The following DAB1 variants were observed in gnomAD, a reference collection of about 807,000 sequenced individuals.
The protein encoded by DAB1 is DAB adaptor protein 1.
In DAB1, 15 loss-of-function variants were observed where a neutral mutation model predicts 64.6. The observed-to-expected ratio is 0.23, with a 90% confidence interval of 0.16 to 0.36. The LOEUF (loss-of-function observed/expected upper bound fraction) is 0.36, where lower values mean the gene tolerates loss of function less well. Among genes scored for constraint, DAB1 ranks in the 10% least tolerant of loss-of-function variants. DAB1 has a pLI of 1.00. For synonymous variants in DAB1, 235 were observed against 251.9 expected, an observed-to-expected ratio of 0.93 and a Z score of 0.64; for missense variants, 596 against 706.7, an observed-to-expected ratio of 0.84 and a Z score of 1.78.
intron 4 of DAB1, among the ~76,000 whole-genome samples, chr1:57,075,597 A>G (rs1408998178): frequency 1.3e-5 from 2 of 152,220 alleles, no homozygotes; most frequent in African/African-American, 4.8e-5. Context: ...CATTCGCTTT[A>G]GAAACTTAGA....
intron 5 of DAB1, among the ~76,000 whole-genome samples, chr1:58,074,791 C>T (rs1649538133): frequency 6.6e-6 from 1 of 151,774 alleles, no homozygotes; most frequent in South Asian, 2.1e-4. Context: ...ACAGCAGTAA[C>T]TAGAAAGAAA....
intron 7 of DAB1, among the ~76,000 whole-genome samples, chr1:57,440,347 G>A (rs556765624): frequency 6.6e-6 from 1 of 152,326 alleles, no homozygotes; most frequent in African/African-American, 2.4e-5. Flanking sequence ...CTGCACTAAT[G>A]TTCAGGGTGA....
intron 5 of DAB1, among the ~76,000 whole-genome samples, chr1:58,143,352 C>T (rs1654392858): frequency 1.3e-5 from 2 of 152,116 alleles, no homozygotes; most frequent in South Asian, 4.2e-4. Flanking sequence ...GGCCAGCTAG[C>T]CACCCCACCA....
At chr1:57,330,542 G>A (rs1257304383) in intron 1 of DAB1, among the ~76,000 whole-genome samples, 4 of 152,158 alleles carry the variant, frequency 2.6e-5, no homozygotes, top group African/African-American at 9.7e-5. Context: ...AGTGCAATGA[G>A]ACAATGTCCA....
intron 5 of DAB1, among the ~76,000 whole-genome samples, chr1:58,107,957 A>C (rs1651760746): frequency 6.6e-6 from 1 of 152,108 alleles, no homozygotes; most frequent in African/African-American, 2.4e-5. Context: ...AATGGGCAAA[A>C]CCTGGGAGGA....
At position 57,015,052 on chromosome 1, in the gene DAB1, G is replaced by A. The variant is rs767932810; in HGVS notation, c.1275C>T (p.Pro425=). ...FKDFQMAQPP[P]VPSRKPDQPS... is the part of the protein sequence containing the mutation. The stretch of plus-strand genomic sequence containing the variant: ...GCTGGTCGGGTTTGCGGGAGGGCAC[G>A]GGCGGAGGCTGGGCCATCTGGAAAT... Residue 425 remains proline (P), a synonymous_variant, in exon 12 of 15, where the codon CCC becomes CCT. Transcript: ENST00000371236. 26 of 1,614,146 alleles carry A rather than the reference G, an allele frequency of 1.6e-5. No individual in the cohort carries two copies. Among genetic ancestry groups the A allele is most frequent in the South Asian group, 7.7e-5 (7 of 91,062 alleles).
At chr1:58,513,901 A>C (rs372960717) in intron 2 of DAB1, among the ~76,000 whole-genome samples, 1 of 152,236 alleles carries the variant, frequency 6.6e-6, no homozygotes, top group Non-Finnish European at 1.5e-5. Flanking sequence ...TAAGTGACAG[A>C]GCCATAATTT....
chr1:57,976,542 G>C (rs924815188), intron 5 of DAB1, among the ~76,000 whole-genome samples: 4 of 152,098 alleles, frequency 2.6e-5, no homozygotes, highest in Non-Finnish European at 5.9e-5. Flanking sequence ...TGCTTGGGAT[G>C]ATATCCAAAC....
intron 4 of DAB1, among the ~76,000 whole-genome samples, chr1:57,133,564 C>T (rs1438334808): frequency 6.6e-6 from 1 of 152,248 alleles, no homozygotes; most frequent in East Asian, 1.9e-4. Context: ...TTATTCCCTG[C>T]AACAAGCTAA....
chr1:58,132,948 A>T (rs1173623060), intron 5 of DAB1, among the ~76,000 whole-genome samples: 1 of 152,178 alleles, frequency 6.6e-6, no homozygotes, highest in African/African-American at 2.4e-5. Context: ...TGTGACCCTC[A>T]ATTCAAAATT....
In DAB1 at chr1:57,814,807, CTG is replaced by C. The variant is rs145690656; in HGVS notation, n.551+69190_551+69191del. Among the ~76,000 whole-genome samples, 366 of 152,254 alleles carry C rather than the reference CTG, an allele frequency of 2.4e-3. 1 individual carries two copies. Among genetic ancestry groups the C allele is most frequent in the African/African-American group, 8.5e-3 (353 of 41,554 alleles). The stretch of plus-strand genomic sequence containing the variant: ...ACCACATGGCTCAGGCACCAGGAGA[CTG>C]TGTTTCCAGTCCAGGCCTGCTACTC... On this transcript the variant is annotated intron_variant and non_coding_transcript_variant, in intron 6 of 20. Transcript: ENST00000485760.
In DAB1 at chr1:57,277,516, C is replaced by A. The variant is rs551774351; in HGVS notation, c.67+13448G>T. Among the ~76,000 whole-genome samples, 299 of 152,266 alleles carry A rather than the reference C, an allele frequency of 2.0e-3. 1 individual carries two copies. The highest frequency in any genetic ancestry group is 7.0e-3 in the African/African-American group (292 of 41,548). On this transcript the variant is annotated intron_variant, in intron 2 of 14. Coordinates refer to ENST00000371236, the MANE Select transcript of DAB1 (RefSeq NM_001365792.1). ...TCAAGAAGCAAGGGCTAAAAGAGACCTTAGCAAGTTGCACGATTCCCACCT... is the reference window on the plus strand; with the variant it reads ...TCAAGAAGCAAGGGCTAAAAGAGACATTAGCAAGTTGCACGATTCCCACCT...
intron 4 of DAB1, among the ~76,000 whole-genome samples, chr1:57,112,214 A>C (rs2100726725): frequency 6.6e-6 from 1 of 152,350 alleles, no homozygotes; most frequent in East Asian, 1.9e-4. Context: ...TAGGAGACTA[A>C]GAGCATAGAA....
intron 6 of DAB1, among the ~76,000 whole-genome samples, chr1:57,679,707 G>A (rs1310233091): frequency 1.3e-5 from 2 of 152,116 alleles, no homozygotes; most frequent in African/African-American, 2.4e-5. Context: ...ATATAATTAT[G>A]CATAGAAAAC....
chr1:57,264,031 C>G (rs1227094987), intron 2 of DAB1, among the ~76,000 whole-genome samples: 2 of 152,154 alleles, frequency 1.3e-5, no homozygotes, highest in Non-Finnish European at 2.9e-5. Flanking sequence ...TTTCTGCTTC[C>G]CAACTCTTGT....
chr1:57,026,042 G>C lies in DAB1; in HGVS notation c.725C>G (p.Ala242Gly). 6.2e-7 allele frequency: 1 copy of C among 1,602,250 alleles called. No homozygotes were observed. The highest frequency in any genetic ancestry group is 8.5e-7 in the Non-Finnish European group (1 of 1,175,232). The change falls in exon 10 of 15, where the codon GCT (alanine) becomes GGT (glycine). Residue 242 changes from alanine (A) to glycine (G), a missense_variant and splice_region_variant. Physicochemically the swap from Ala to Gly is moderately conservative, Grantham distance 60 (BLOSUM62 0). Coordinates refer to ENST00000371236, the MANE Select transcript of DAB1 (RefSeq NM_001365792.1). ...CCCAAAAAGTTCTAATTGGGTCACA[G>C]CCTGTAAAGACAAAAAGGTAATCAT... Reference protein sequence around the residue: ...YDVPKSQPVSAVTQLELFGDM... With the variant: ...YDVPKSQPVSGVTQLELFGDM...
rs562187486 is a variant in DAB1 at position 57,671,797 on chromosome 1, T to C, written n.552-22132A>G. Among the ~76,000 whole-genome samples the C allele has an allele frequency of 3.9e-5, 6 of 152,200 alleles. No individual in the cohort carries two copies. The South Asian group carries it at 1.2e-3, about 32-fold the overall frequency. ...TTCCCTAGAATCTACCTCCACCTCA[T>C]ACTCTAAGTCAGTATCAGTCCTCTC... On this transcript the variant is annotated intron_variant and non_coding_transcript_variant, in intron 6 of 20. Coordinates refer to the DAB1 transcript ENST00000485760.
chr1:58,243,984 G>A (rs1660418706), intron 4 of DAB1, among the ~76,000 whole-genome samples: 3 of 151,996 alleles, frequency 2.0e-5, no homozygotes, highest in East Asian at 1.9e-4. Flanking sequence ...ATGCTTTGCT[G>A]AATTTTAAGA....
rs556638782 is a variant in DAB1 at position 57,493,709 on chromosome 1, G to A, written n.625+155883C>T. Among the ~76,000 whole-genome samples the A allele has an allele frequency of 1.5e-3, 233 of 151,668 alleles. 1 individual carries two copies. The highest frequency in any genetic ancestry group is 2.6e-3 in the Admixed American group (40 of 15,220). On this transcript the variant is annotated intron_variant and non_coding_transcript_variant, in intron 7 of 20. Transcript: ENST00000485760. The stretch of plus-strand genomic sequence containing the variant: ...AAGTATTCAGTGGAAGGAAGGGTGA[G>A]ACCGAAAGATGAAGAAAGAAGAAAA...
Sources: gnomAD v4.1 joint callset for allele counts (sites outside exome capture counted in the v4.1 genomes callset) on GRCh38, gnomAD v4.1.1 for gene constraint, MANE v1.5 for transcripts, NCBI Gene and HGNC (gene_info 2026-07-23, HGNC 2026-07-21) for gene names.